The following CREB3L2 variants were observed in gnomAD, a reference collection of about 807,000 sequenced individuals.
The protein encoded by CREB3L2 is cAMP responsive element binding protein 3 like 2, also known as cyclic AMP-responsive element-binding protein 3-like protein 2.
A neutral mutation model predicts 57.2 loss-of-function variants in CREB3L2; 23 were observed. The ratio of observed to expected loss-of-function variants is 0.40; its 90% CI spans 0.29 to 0.57. The LOEUF is 0.57. Among genes scored for constraint, CREB3L2 ranks in the 20% least tolerant of loss-of-function variants. CREB3L2 has a pLI of 0.42. For synonymous variants in CREB3L2, 268 were observed against 265.1 expected, an observed-to-expected ratio of 1.01 and a Z score of -0.11; for missense variants, 628 against 634.7, an observed-to-expected ratio of 0.99 and a Z score of 0.11.
intron 1 of CREB3L2, among the ~76,000 whole-genome samples, chr7:137,982,773 T>A (rs901395101): frequency 6.6e-6 from 1 of 152,152 alleles, no homozygotes; most frequent in African/African-American, 2.4e-5. Context: ...CAAATTCATA[T>A]GCTGAAGCCC....
chr7:137,970,983 A>T (rs951602938), intron 1 of CREB3L2, among the ~76,000 whole-genome samples: 1 of 152,216 alleles, frequency 6.6e-6, no homozygotes, highest in Non-Finnish European at 1.5e-5. Context: ...AAGAATATCC[A>T]TATTTTTAAA....
At chr7:137,947,498 T>C (rs1332928625) in intron 1 of CREB3L2, among the ~76,000 whole-genome samples, 1 of 152,126 alleles carries the variant, frequency 6.6e-6, no homozygotes, top group Non-Finnish European at 1.5e-5. Context: ...TCCTGGCCTG[T>C]GCCCTCCGGG....
chr7:137,979,773 C>T (rs543711038), intron 1 of CREB3L2, among the ~76,000 whole-genome samples: 3 of 152,274 alleles, frequency 2.0e-5, no homozygotes, highest in African/African-American at 7.2e-5. Flanking sequence ...ACAAAGAACA[C>T]TGCCTGGCTC....
intron 1 of CREB3L2, among the ~76,000 whole-genome samples, chr7:137,978,282 A>G (rs2117311172): frequency 6.6e-6 from 1 of 152,288 alleles, no homozygotes; most frequent in East Asian, 1.9e-4. Flanking sequence ...TCTATATATA[A>G]AGCAAGAGAT....
Position 137,909,044 on chromosome 7 carries a change from G to A in CREB3L2, c.584-608C>T, listed in dbSNP as rs536901047. On this transcript the variant is annotated intron_variant, in intron 4 of 11. Transcript: ENST00000330387. ...GAACCCAGGAGTTAGGGGTTGCAGT[G>A]AGCCAAGATCACACCACTGCCCTCC... Among the ~76,000 whole-genome samples, 15 of 152,286 alleles carry A rather than the reference G, an allele frequency of 9.8e-5. No homozygotes were observed. In the East Asian group the frequency reaches 2.1e-3, roughly 22 times the overall value.
chr7:137,908,295 G>T lies in CREB3L2; in HGVS notation c.725C>A (p.Ala242Asp). The T allele has an allele frequency of 7.9e-7, 1 of 1,258,356 alleles. No homozygotes were observed. Among genetic ancestry groups the T allele is most frequent in the Non-Finnish European group, 1.0e-6 (1 of 992,516 alleles). The allele number at this position is 1,258,356 out of a possible 1,614,324, so 77.9% of individuals were successfully genotyped here. Residue 242 changes from alanine (A) to aspartate (D), a missense_variant, in exon 5 of 12, where the codon GCC becomes GAC. Physicochemically the swap from Ala to Asp is moderately radical, Grantham distance 126. Transcript: ENST00000330387. The stretch of plus-strand genomic sequence containing the variant: ...AGGGGAGCTGGAGAGGGCGGAGGGG[G>T]CCCGGGGTGCAGCTCTGGAGGGGCT... Reference protein sequence around the residue: ...THSPSRAAPRAPSALSSSPLL... With the variant: ...THSPSRAAPRDPSALSSSPLL...
intron 1 of CREB3L2, among the ~76,000 whole-genome samples, chr7:137,986,895 C>T (rs143974210): frequency 1.9e-3 from 290 of 152,324 alleles, no homozygotes; most frequent in African/African-American, 6.7e-3. Flanking sequence ...CACAAGAAAA[C>T]GTGTCTGTGA....
intron 2 of CREB3L2, among the ~76,000 whole-genome samples, chr7:137,922,380 A>ATATG (rs1246034729): frequency 6.5e-5 from 2 of 30,984 alleles, no homozygotes; most frequent in African/African-American, 2.0e-4. Flanking sequence ...CTATATATAT[A>ATATG]TATGTATATA....
At chr7:137,983,630 T>A (rs1801745943) in intron 1 of CREB3L2, among the ~76,000 whole-genome samples, 2 of 152,194 alleles carry the variant, frequency 1.3e-5, no homozygotes, top group Admixed American at 6.5e-5. Context: ...CAGACCTTTA[T>A]AAATCCCTGG....
At chr7:137,976,800 A>C (rs1214886316) in intron 1 of CREB3L2, among the ~76,000 whole-genome samples, 1 of 152,236 alleles carries the variant, frequency 6.6e-6, no homozygotes, top group Non-Finnish European at 1.5e-5. Flanking sequence ...TCAAATGTGC[A>C]ACCAAAGGGA....
intron 1 of CREB3L2, among the ~76,000 whole-genome samples, chr7:137,949,092 C>T (rs554385246): frequency 4.4e-4 from 67 of 152,320 alleles, no homozygotes; most frequent in African/African-American, 1.6e-3. Flanking sequence ...AGAGATCACT[C>T]GTCTCATGGC....
chr7:137,987,824 T>C (rs551234602), intron 1 of CREB3L2, among the ~76,000 whole-genome samples: 4 of 152,302 alleles, frequency 2.6e-5, no homozygotes, highest in African/African-American at 9.6e-5. Flanking sequence ...TAGCTGGGAC[T>C]ATAGACATAA....
chr7:137,967,834 C>A (rs989677535), intron 1 of CREB3L2, among the ~76,000 whole-genome samples: 1 of 152,222 alleles, frequency 6.6e-6, no homozygotes, highest in Non-Finnish European at 1.5e-5. Context: ...CCAACCATCA[C>A]CTCCCCTCAC....
chr7:137,891,966 T>C (rs77695353), intron 8 of CREB3L2, among the ~76,000 whole-genome samples: 3,663 of 152,256 alleles, frequency 0.024, 166 homozygotes, highest in African/African-American at 0.083. Flanking sequence ...TGTGTGTGTG[T>C]GCCCATATGT....
intron 1 of CREB3L2, among the ~76,000 whole-genome samples, chr7:137,931,856 A>G (rs920619819): frequency 6.6e-6 from 1 of 152,246 alleles, no homozygotes; most frequent in Non-Finnish European, 1.5e-5. Flanking sequence ...ACAATTTAAA[A>G]AAATTTGAAT....
intron 8 of CREB3L2, among the ~76,000 whole-genome samples, chr7:137,891,945 G>T (rs919693294): frequency 6.6e-6 from 1 of 152,096 alleles, no homozygotes; most frequent in Non-Finnish European, 1.5e-5. Context: ...TGGTGTGTGC[G>T]GGTGCACATA....
chr7:137,921,073 G>T (rs1257798169), intron 2 of CREB3L2, among the ~76,000 whole-genome samples: 1 of 152,346 alleles, frequency 6.6e-6, no homozygotes, highest in East Asian at 1.9e-4. Context: ...ATCCTTGGAT[G>T]TCTTAGTTAT....
In CREB3L2 at chr7:137,985,958, G is replaced by A. The variant is rs115285128; in HGVS notation, c.102+15646C>T. Among the ~76,000 whole-genome samples, 1,215 of 152,148 alleles carry A rather than the reference G, an allele frequency of 8.0e-3. 20 individuals carry two copies. The highest frequency in any genetic ancestry group is 0.028 in the African/African-American group (1,148 of 41,502). ...TTTACTCATTTTATCCATGAGTTCA[G>A]AATGCAGCAAAAATTTTCTTCCTAG... On this transcript the variant is annotated intron_variant, in intron 1 of 11. Transcript: ENST00000330387.
chr7:137,990,091 G>A (rs181246883), intron 1 of CREB3L2, among the ~76,000 whole-genome samples: 87 of 152,166 alleles, frequency 5.7e-4, no homozygotes, highest in Middle Eastern at 3.4e-3. Context: ...CCACCTTCCC[G>A]CTTACAAAAG....
Sources: gnomAD v4.1 joint callset for allele counts (sites outside exome capture counted in the v4.1 genomes callset) on GRCh38, gnomAD v4.1.1 for gene constraint, MANE v1.5 for transcripts, NCBI Gene and HGNC (gene_info 2026-07-23, HGNC 2026-07-21) for gene names.